The following DYNC2I1 variants were observed in gnomAD, a reference collection of about 807,000 sequenced individuals.
The protein encoded by DYNC2I1 is dynein 2 intermediate chain 1.
DYNC2I1 carries 89 observed loss-of-function variants against 133.4 expected under a neutral mutation model. The ratio of observed to expected loss-of-function variants is 0.67; its 90% confidence interval spans 0.56 to 0.80. DYNC2I1 has a LOEUF of 0.80. Ranked by LOEUF, DYNC2I1 falls within the 30% of genes least tolerant of loss-of-function variation. The pLI, the probability that DYNC2I1 is intolerant of heterozygous loss-of-function variation, is 0.00. For synonymous variants in DYNC2I1, 504 were observed against 484.3 expected, an observed-to-expected ratio of 1.04 and a Z score of -0.54; for missense variants, 1,291 against 1,314.5, an observed-to-expected ratio of 0.98 and a Z score of 0.28.
chr7:158,942,295 A>T (rs1316543969), intron 24 of DYNC2I1, 147 bp downstream of exon 24: 1 of 660,684 alleles, frequency 1.5e-6, no homozygotes, highest in Non-Finnish European at 2.4e-6. Context: ...ATGTTCAGTT[A>T]AAAATTAAAA....
At chr7:158,862,871 C>CTGGCATGGGGGTGAATTGA in intron 1 of DYNC2I1, among the ~76,000 whole-genome samples, 1 of 152,060 alleles carries the variant, frequency 6.6e-6, no homozygotes, top group South Asian at 2.1e-4. Context: ...AGGAGTGAAG[C>CTGGCATGGGGGTGAATTGA]GACAGACCTT....
At chr7:158,884,443 TG>T (rs1352474008) in intron 5 of DYNC2I1, 120 bp from the exon 6 acceptor site, 1 of 738,744 alleles carries the variant, frequency 1.4e-6, no homozygotes, top group Admixed American at 3.1e-5. Context: ...AAAAGGTACT[TG>T]TGATGTACAT....
downstream of DYNC2I1, among the ~76,000 whole-genome samples, chr7:158,949,556 G>A (rs188148558): frequency 3.2e-3 from 481 of 152,318 alleles, 1 homozygote; most frequent in Non-Finnish European, 5.5e-3. Flanking sequence ...AGGCAGTGCC[G>A]TGGAACGAAT....
chr7:158,949,563 G>A (rs1183135938), downstream of DYNC2I1, among the ~76,000 whole-genome samples: 2 of 152,196 alleles, frequency 1.3e-5, no homozygotes, highest in African/African-American at 4.8e-5. Flanking sequence ...GCCGTGGAAC[G>A]AATCATCGCA....
At chr7:158,855,935 TTTTC>T (rs967668349), upstream of DYNC2I1, among the ~76,000 whole-genome samples, 1 of 145,318 alleles carries the variant, frequency 6.9e-6, no homozygotes, top group Non-Finnish European at 1.5e-5. Context: ...TGTAAAGCTC[TTTTC>T]TTTTTTTTTT....
At chr7:158,859,045 G>T (rs890802020) in intron 1 of DYNC2I1, among the ~76,000 whole-genome samples, 1 of 134,974 alleles carries the variant, frequency 7.4e-6, no homozygotes, top group Admixed American at 7.9e-5. Flanking sequence ...ACCCAAGTTG[G>T]AGTGCAGTGA....
Position 158,857,360 on chromosome 7 carries a change from T to C in DYNC2I1, c.15+610T>C, listed in dbSNP as rs1309004649. Among the ~76,000 whole-genome samples, 3 of 152,154 alleles carry C rather than the reference T, an allele frequency of 2.0e-5. No individual in the cohort carries two copies. In the East Asian group the frequency reaches 5.8e-4, roughly 29 times the overall value. ...AGTGCCTGCTTTCATTAACACTCAA[T>C]AAATGTTAGATATTACTGTATTATT... On this transcript the variant is annotated intron_variant, in intron 1 of 24. Transcript: ENST00000407559.
At chr7:158,934,740 T>C (rs749800777) in intron 23 of DYNC2I1, among the ~76,000 whole-genome samples, 191 bp downstream of exon 23, 6 of 152,170 alleles carry the variant, frequency 3.9e-5, no homozygotes, top group Non-Finnish European at 7.3e-5. Context: ...CATGCCACTA[T>C]GCCTGGCTAA....
intron 23 of DYNC2I1, among the ~76,000 whole-genome samples, chr7:158,935,698 G>A (rs934104659): frequency 2.6e-5 from 4 of 152,184 alleles, no homozygotes; most frequent in Admixed American, 2.6e-4. Flanking sequence ...ATGTGGTCAG[G>A]CAAGGCTGGG....
chr7:158,955,077 T>C (rs767774019), intron 4 of DYNC2I1, among the ~76,000 whole-genome samples: 1 of 152,226 alleles, frequency 6.6e-6, no homozygotes, highest in Non-Finnish European at 1.5e-5. Context: ...TTCTAAAGGC[T>C]CTGGTTTTTA....
At chr7:158,854,164 C>T (rs1185686902), upstream of DYNC2I1, among the ~76,000 whole-genome samples, 1 of 152,086 alleles carries the variant, frequency 6.6e-6, no homozygotes, top group African/African-American at 2.4e-5. Flanking sequence ...ATCTGGGTTG[C>T]ACCAGCCGAC....
intron 8 of DYNC2I1, among the ~76,000 whole-genome samples, chr7:158,896,482 T>C (rs1024026114): frequency 6.6e-6 from 1 of 152,218 alleles, no homozygotes; most frequent in African/African-American, 2.4e-5. Context: ...TTATCTTTTG[T>C]TTTTTTGAGG....
upstream of DYNC2I1, among the ~76,000 whole-genome samples, chr7:158,853,324 A>T (rs2129475209): frequency 6.6e-6 from 1 of 152,268 alleles, no homozygotes; most frequent in South Asian, 2.1e-4. Context: ...GAAGAGGGAG[A>T]TGGACATGCC....
At chr7:158,860,527 C>T (rs1334698642) in intron 1 of DYNC2I1, among the ~76,000 whole-genome samples, 2 of 152,128 alleles carry the variant, frequency 1.3e-5, no homozygotes, top group Non-Finnish European at 2.9e-5. Context: ...CTTAATGGTA[C>T]CTTTGCAGGC....
intron 3 of DYNC2I1, among the ~76,000 whole-genome samples, chr7:158,875,280 A>T (rs972865107): frequency 2.0e-5 from 3 of 151,878 alleles, no homozygotes; most frequent in African/African-American, 7.3e-5. Flanking sequence ...TTTTTAGTAA[A>T]GGTGGGGTTT....
chr7:158,888,862 C>T (rs78137576), intron 7 of DYNC2I1, among the ~76,000 whole-genome samples: 10,587 of 152,062 alleles, frequency 0.07, 531 homozygotes, highest in African/African-American at 0.13. Context: ...GTTGTTTTGA[C>T]GTGGATGTTT....
chr7:158,911,407 A>G, intron 11 of DYNC2I1, 143 bp from the exon 12 acceptor site: 1 of 860,078 alleles, frequency 1.2e-6, no homozygotes, highest in Non-Finnish European at 1.7e-6. Context: ...AACAGCTGTT[A>G]AATATCTCAG....
At chr7:158,899,351 C>T (rs78349385) in intron 8 of DYNC2I1, among the ~76,000 whole-genome samples, 148 of 152,228 alleles carry the variant, frequency 9.7e-4, no homozygotes, top group East Asian at 6.0e-3. Context: ...TACACACACA[C>T]GGATAAATAC....
the DYNC2I1 span, among the ~76,000 whole-genome samples, chr7:158,848,460 T>C: frequency 2.0e-5 from 3 of 152,172 alleles, no homozygotes; most frequent in Non-Finnish European, 4.4e-5. Context: ...TACTGATGCT[T>C]AATTAAACAT....
Sources: allele counts gnomAD v4.1 joint callset (sites outside exome capture counted in the v4.1 genomes callset), GRCh38; gene constraint gnomAD v4.1.1; transcripts MANE v1.5; gene names NCBI Gene and HGNC (gene_info 2026-07-23, HGNC 2026-07-21).